UBN1: variants seen among roughly 807,000 people sequenced by gnomAD.
The protein encoded by UBN1 is ubinuclein-1.
A neutral mutation model predicts 108.5 loss-of-function variants in UBN1; 17 were observed. The observed-to-expected ratio is 0.16, with a 90% confidence interval of 0.11 to 0.24. UBN1 has a LOEUF of 0.24. UBN1 is among the 10% of genes least tolerant of loss of function. The pLI, the probability that UBN1 is intolerant of heterozygous loss-of-function variation, is 1.00. For synonymous variants in UBN1, 726 were observed against 564.2 expected, an observed-to-expected ratio of 1.29 and a Z score of -4.07; for missense variants, 1,595 against 1,394.4, an observed-to-expected ratio of 1.14 and a Z score of -2.29.
intron 12 of UBN1, 63 bp downstream of exon 12, chr16:4,871,364 T>G (rs1465019837): frequency 1.3e-6 from 2 of 1,567,244 alleles, no homozygotes; most frequent in Non-Finnish European, 1.7e-6. Flanking sequence ...GCTGCTTTTG[T>G]GCCAGGCCAA....
In UBN1 at chr16:4,874,370, C is replaced by A. The variant is rs773370430; in HGVS notation, c.1960C>A (p.Pro654Thr). The change falls in exon 15 of 18, where the codon CCT (proline) becomes ACT (threonine). Residue 654 changes from proline (P) to threonine (T), a missense_variant. Around this residue, in one of 3 missense-constraint regions of UBN1, gnomAD observed 1,398 missense variants for 1,194.7 expected, o/e 1.17. Coordinates refer to ENST00000262376, the MANE Select transcript of UBN1 (RefSeq NM_001079514.3). The part of the protein sequence containing the change: ...QASGGLANPP[P>T]VNLEDSLDED... ...ATCGGGCGGCCTTGCTAACCCTCCT[C>A]CTGTCAACCTGGAGGACTCATTGGA... 1 of 1,614,138 alleles carries A rather than the reference C, an allele frequency of 6.2e-7. No individual in the cohort carries two copies. The highest frequency in any genetic ancestry group is 1.1e-5 in the South Asian group (1 of 91,078).
rs977023126 is a variant in UBN1, at chr16:4,875,114, A to G, written c.2704A>G (p.Asn902Asp). ...CTCTGCAGGCTCATCTTACAAGAAT[A>G]ATCCCTTTGCCAGCTCAATCTCCAA... ...VSSAGSSYKN[N>D]PFASSISKHG... Residue 902 changes from asparagine (N) to aspartate (D), a missense_variant, in exon 15 of 18, where the codon AAT becomes GAT. By Grantham distance (23) the Asn-to-Asp change is conservative. This residue lies in a region of UBN1 where 1,398 missense variants were observed against 1,194.7 expected (regional missense o/e 1.17). Coordinates refer to ENST00000262376, the MANE Select transcript of UBN1 (RefSeq NM_001079514.3). The G allele has an allele frequency of 6.2e-7, 1 of 1,614,094 alleles. No individual in the cohort carries two copies. The highest frequency in any genetic ancestry group is 1.3e-5 in the African/African-American group (1 of 74,948).
Position 4,861,095 on chromosome 16 carries a change from T to A in UBN1, c.1103T>A (p.Leu368Gln), listed in dbSNP as rs1384402638. Residue 368 changes from leucine to glutamine, a missense_variant, in exon 7 of 18, where the codon CTG (leucine) becomes CAG (glutamine). Leu to Gln is a moderately radical substitution (Grantham distance 113, BLOSUM62 -2). This residue lies in a region of UBN1 where 1,398 missense variants were observed against 1,194.7 expected (regional missense o/e 1.17). Transcript: ENST00000262376. Reference protein sequence around the residue: ...PAPLEKRVKELAQAARAAEGE... With the variant: ...PAPLEKRVKEQAQAARAAEGE... ...CCCCTGGAGAAGCGCGTTAAGGAGC[T>A]GGCTCAGGTATGGTGGCACAGTGCG... 4 of 1,612,558 alleles carry A rather than the reference T, an allele frequency of 2.5e-6. No individual in the cohort carries two copies. The highest frequency in any genetic ancestry group is 3.4e-6 in the Non-Finnish European group (4 of 1,179,486).
At chr16:4,876,747 T>A in intron 15 of UBN1, 124 bp from the exon 16 acceptor site, 1 of 1,457,816 alleles carries the variant, frequency 6.9e-7, no homozygotes, top group Non-Finnish European at 9.1e-7. Flanking sequence ...CAGGGCCATC[T>A]GACATGGATG....
intron 8 of UBN1, among the ~76,000 whole-genome samples, chr16:4,869,410 A>G (rs899909324): frequency 1.3e-5 from 2 of 152,212 alleles, no homozygotes; most frequent in South Asian, 2.1e-4. Context: ...CGCTGTGTGA[A>G]TCGGGTTAAA....
In UBN1 at chr16:4,870,738, C is replaced by G. The variant is rs1379229366; in HGVS notation, c.1430+104C>G. ...TTTCCCAAGGAGCCTCTTGGCTCTT[C>G]TTTGGCCTTTTCTCCTTCTCTGTGA... On this transcript the variant is annotated intron_variant, in intron 10 of 17. Transcript: ENST00000262376. 1.8e-5 allele frequency: 28 copies of G among 1,587,712 alleles called. No homozygotes were observed. In the South Asian group the frequency reaches 2.4e-4, roughly 14 times the overall value.
intron 15 of UBN1, among the ~76,000 whole-genome samples, chr16:4,875,802 T>C (rs181903174): frequency 1.8e-3 from 274 of 152,268 alleles, no homozygotes; most frequent in Non-Finnish European, 2.2e-3. Flanking sequence ...CTTCTATCAG[T>C]TGAGTCATGT....
intron 3 of UBN1, 25 bp from the exon 4 acceptor site, chr16:4,858,543 G>C: frequency 6.2e-7 from 1 of 1,601,836 alleles, no homozygotes; most frequent in South Asian, 1.1e-5. Flanking sequence ...CAAAAAGCAT[G>C]TAATCTATTG....
At chr16:4,852,856 G>A in intron 1 of UBN1, 23 bp from the exon 2 acceptor site, 2 of 1,542,028 alleles carry the variant, frequency 1.3e-6, no homozygotes, top group Non-Finnish European at 1.7e-6. Context: ...GTTTGACCTG[G>A]CCCTTCTTTT....
rs1275063457 is a variant in UBN1 at position 4,876,923 on chromosome 16, C to T, written c.3077C>T (p.Pro1026Leu). The T allele has an allele frequency of 6.2e-7, 1 of 1,613,960 alleles. No homozygotes were observed. The highest frequency in any genetic ancestry group is 1.7e-5 in the Admixed American group (1 of 60,000). Reference protein sequence around the residue: ...LLAGSSLMASPYKSSSPKLSG... With the variant: ...LLAGSSLMASLYKSSSPKLSG... ...GCCGGCTCCTCTTTGATGGCTTCAC[C>T]CTACAAATCCAGCAGCCCAAAGCTG... Residue 1026 changes from proline to leucine, a missense_variant, in exon 16 of 18, where the codon CCC (proline) becomes CTC (leucine). Transcript: ENST00000262376.
In UBN1 at chr16:4,861,058, G is replaced by A; in HGVS notation, c.1066G>A (p.Gly356Ser). 6.2e-7 allele frequency: 1 copy of A among 1,613,966 alleles called. No homozygotes were observed. Among genetic ancestry groups the A allele is most frequent in the South Asian group, 1.1e-5 (1 of 91,086 alleles). ...EFRQPSSLPE[G>S]LPAPLEKRVK... is the part of the protein sequence containing the mutation. ...CAGGCAGCCCTCTTCTCTCCCCGAA[G>A]GCCTGCCAGCACCCCTGGAGAAGCG... The change falls in exon 7 of 18, where the codon GGC (glycine) becomes AGC (serine). Residue 356 changes from glycine (G) to serine (S), a missense_variant. Gly to Ser is a moderately conservative substitution (Grantham distance 56). Transcript: ENST00000262376.
rs1596515790 is a variant in UBN1 at position 4,871,164 on chromosome 16, G to C, written c.1569G>C (p.Leu523=). The C allele has an allele frequency of 6.2e-7, 1 of 1,614,218 alleles. No individual in the cohort carries two copies. The highest frequency in any genetic ancestry group is 8.5e-7 in the Non-Finnish European group (1 of 1,180,032). ...TCTGCCTCCTTCTCAGGGAGCTACT[G>C]TGCCAGGTGGTGAAGATCAAACTGG... ...FQWNDEIREL[L]CQVVKIKLES... is the part of the protein sequence containing the mutation. Residue 523 remains leucine (L), a synonymous_variant, in exon 12 of 18, where the codon CTG becomes CTC. Coordinates refer to ENST00000262376, the MANE Select transcript of UBN1 (RefSeq NM_001079514.3).
intron 7 of UBN1, among the ~76,000 whole-genome samples, chr16:4,862,615 T>C (rs1486755447): frequency 1.3e-5 from 2 of 152,222 alleles, no homozygotes; most frequent in Non-Finnish European, 1.5e-5. Context: ...TGTTAAATCA[T>C]TTAAGGTCTA....
chr16:4,875,521 A>C, intron 15 of UBN1, 87 bp downstream of exon 15: 1 of 1,517,720 alleles, frequency 6.6e-7, no homozygotes, highest in Non-Finnish European at 8.8e-7. Context: ...GTGGAGAGTG[A>C]GATCTAAAAC....
At chr16:4,872,521 T>G (rs2087697016) in intron 12 of UBN1, among the ~76,000 whole-genome samples, 1 of 151,944 alleles carries the variant, frequency 6.6e-6, no homozygotes. Context: ...CAGACTGGAG[T>G]GCAATGGCAC....
chr16:4,852,922 C>T lies in UBN1; in HGVS notation c.5C>T (p.Ser2Leu), dbSNP rs776202176. ...CGCTAAGACTTGTTGGTAGCCATGT[C>T]GGAGCCCCACAGGGTCCAGTTCACC... M[S>L]EPHRVQFTSL... is the part of the protein sequence containing the mutation. The change falls in exon 2 of 18, where the codon TCG (serine) becomes TTG (leucine). Residue 2 changes from serine to leucine, a missense_variant. Physicochemically the swap from Ser to Leu is moderately radical, Grantham distance 145 (BLOSUM62 -2). Around this residue, in one of 3 missense-constraint regions of UBN1, gnomAD observed 181 missense variants for 157.3 expected, o/e 1.15. Transcript: ENST00000262376. 3 of 1,612,812 alleles carry T rather than the reference C, an allele frequency of 1.9e-6. No individual in the cohort carries two copies. The highest frequency in any genetic ancestry group is 1.1e-5 in the South Asian group (1 of 90,976).
At position 4,848,121 on chromosome 16, in the gene UBN1, GCCGACCGCTA is replaced by G. The variant is rs1485206981; in HGVS notation, c.-128_-119del. ...GCCCGCTGGGAGCCACGGCTTAGCA[GCCGACCGCTA>G]GCTGCGCCGCCGCCCGGGGACCGGC... On this transcript the variant is annotated 5_prime_UTR_variant, in exon 1 of 18. The change abolishes the stop of an existing upstream ORF in the 5' untranslated region. Transcript: ENST00000262376. 1 of 152,050 alleles carries G rather than the reference GCCGACCGCTA, an allele frequency of 6.6e-6. No individual in the cohort carries two copies. Among genetic ancestry groups the G allele is most frequent in the Admixed American group, 6.6e-5 (1 of 15,258 alleles). The allele number at this position is 152,050 out of a possible 1,614,324, so 9.4% of individuals were successfully genotyped here.
chr16:4,863,077 G>A (rs1356175882), intron 7 of UBN1, among the ~76,000 whole-genome samples: 1 of 152,178 alleles, frequency 6.6e-6, no homozygotes, highest in African/African-American at 2.4e-5. Flanking sequence ...GAAGGTGTAT[G>A]GAAATTATCC....
At chr16:4,851,013 A>G (rs1275677852) in intron 1 of UBN1, among the ~76,000 whole-genome samples, 2 of 152,248 alleles carry the variant, frequency 1.3e-5, no homozygotes, top group Non-Finnish European at 1.5e-5. Flanking sequence ...TACCGTATTA[A>G]TATGACACAT....
Sources: gnomAD v4.1 joint callset for allele counts (sites outside exome capture counted in the v4.1 genomes callset) on GRCh38, gnomAD v4.1.1 for gene constraint, gnomAD v4.1.1 regional missense constraint, MANE v1.5 for transcripts, NCBI Gene and HGNC (gene_info 2026-07-23, HGNC 2026-07-21) for gene names.